EIF2B3: variants seen among roughly 807,000 people sequenced by gnomAD.
EIF2B3 encodes the protein eukaryotic translation initiation factor 2B subunit gamma.
In EIF2B3, 20 loss-of-function variants were observed where a neutral mutation model predicts 54.1. The ratio of observed to expected loss-of-function variants is 0.37; its 90% CI spans 0.26 to 0.54. The LOEUF (loss-of-function observed/expected upper bound fraction) is 0.54, where lower values mean the gene tolerates loss of function less well. Ranked by LOEUF, EIF2B3 falls within the 20% of genes least tolerant of loss-of-function variation. The pLI is 0.86. For missense variants in EIF2B3, 448 were observed against 547.8 expected (o/e 0.82, Z 1.82); for synonymous variants, 153 against 188.1 (o/e 0.81, Z 1.52).
chr1:44,912,106 T>C (rs915300263), intron 5 of EIF2B3, among the ~76,000 whole-genome samples: 2 of 151,962 alleles, frequency 1.3e-5, no homozygotes, highest in Non-Finnish European at 2.9e-5. Flanking sequence ...CAGTCTATCA[T>C]TGTTGGACAT....
chr1:44,903,217 G>A (rs1276798478), intron 5 of EIF2B3, among the ~76,000 whole-genome samples: 1 of 152,202 alleles, frequency 6.6e-6, no homozygotes, highest in Non-Finnish European at 1.5e-5. Context: ...AGGCAGCCTT[G>A]AAAGAAGGAA....
intron 1 of EIF2B3, among the ~76,000 whole-genome samples, chr1:44,983,137 C>G (rs1020672559): frequency 1.3e-5 from 2 of 152,158 alleles, no homozygotes; most frequent in Non-Finnish European, 2.9e-5. Context: ...AGGCTGGTCT[C>G]AAACTCCTGG....
At chr1:44,877,807 G>A (rs573141891) in intron 8 of EIF2B3, among the ~76,000 whole-genome samples, 36 of 152,274 alleles carry the variant, frequency 2.4e-4, no homozygotes, top group African/African-American at 7.2e-4. Flanking sequence ...AGCACTGTGC[G>A]TGGCAGCCAC....
In EIF2B3 at chr1:44,866,407, A is replaced by C. The variant is rs1293211285; in HGVS notation, c.1202+8271T>G. ...AATGAGATTCTGTCTCAAAAAAAAA[A>C]AAACAAACAAAACTATATTGAAGGC... On this transcript the variant is annotated intron_variant, in intron 10 of 11. Transcript: ENST00000360403. 5.3e-5 allele frequency among the ~76,000 whole-genome samples: 8 copies of C among 152,032 alleles called. No individual in the cohort carries two copies. The East Asian group carries it at 9.6e-4, about 18-fold the overall frequency.
chr1:44,981,960 A>G lies in EIF2B3; in HGVS notation c.-9-783T>C, dbSNP rs74667049. Among the ~76,000 whole-genome samples the G allele has an allele frequency of 9.5e-3, 1,441 of 151,172 alleles. 60 individuals are homozygous for G. Among genetic ancestry groups the G allele is most frequent in the Admixed American group, 0.079 (1,183 of 14,970 alleles). On this transcript the variant is annotated intron_variant, in intron 1 of 11. Transcript: ENST00000360403. ...CCTGTCTCAAAAAAAAAAAAAAAAA[A>G]AGAGAGAAAAAAGAAAATATTAAAA...
At position 44,881,202 on chromosome 1, in the gene EIF2B3, CCTGTGGTTGGA is replaced by C. The variant is rs1163175066; in HGVS notation, c.784+399_784+409del. Among the ~76,000 whole-genome samples the C allele has an allele frequency of 6.6e-6, 1 of 152,194 alleles. No individual in the cohort carries two copies. Among genetic ancestry groups the C allele is most frequent in the Non-Finnish European group, 1.5e-5 (1 of 68,032 alleles). On this transcript the variant is annotated intron_variant, in intron 7 of 11. Coordinates refer to ENST00000360403, the MANE Select transcript of EIF2B3 (RefSeq NM_020365.5). The surrounding 1 kb of genome is among the most constrained non-coding windows in gnomAD (Gnocchi z 4.0). ...CCTGGCACGGAGACACCTGGGTTGG[CCTGTGGTTGGA>C]CTGCAATTGTACATTCCTTCACTTT...
intron 5 of EIF2B3, among the ~76,000 whole-genome samples, chr1:44,901,627 C>T (rs1004499417): frequency 6.8e-6 from 1 of 146,854 alleles, no homozygotes; most frequent in African/African-American, 2.5e-5. Flanking sequence ...GGCGTGATCA[C>T]AGCTCACTGC....
At chr1:44,905,646 T>C (rs1481149835) in intron 5 of EIF2B3, among the ~76,000 whole-genome samples, 3 of 152,150 alleles carry the variant, frequency 2.0e-5, no homozygotes, top group African/African-American at 7.2e-5. Context: ...TCTGATCTGA[T>C]TAGATTTAAA....
At chr1:44,898,243 C>T (rs1656045154) in intron 5 of EIF2B3, among the ~76,000 whole-genome samples, 1 of 152,154 alleles carries the variant, frequency 6.6e-6, no homozygotes, top group Non-Finnish European at 1.5e-5. Flanking sequence ...CCCCAGGATA[C>T]ACTTCCTCTA....
chr1:44,959,300 C>T, intron 3 of EIF2B3: 2 of 643,748 alleles, frequency 3.1e-6, no homozygotes, highest in South Asian at 1.6e-5. Flanking sequence ...GCACCTGAAA[C>T]CAGCAACAGC....
At chr1:44,974,370 G>A (rs1224528208) in intron 3 of EIF2B3, among the ~76,000 whole-genome samples, 3 of 151,602 alleles carry the variant, frequency 2.0e-5, no homozygotes, top group Non-Finnish European at 2.9e-5. Context: ...CTACTTGGGA[G>A]GCTTAGGTAG....
chr1:44,859,868 T>A (rs777249628), intron 10 of EIF2B3, among the ~76,000 whole-genome samples: 11 of 151,286 alleles, frequency 7.3e-5, no homozygotes, highest in Non-Finnish European at 1.3e-4. Context: ...GCAATTCTCC[T>A]GCCTCAGCCC....
At chr1:44,957,239 C>T (rs1644235101) in intron 3 of EIF2B3, among the ~76,000 whole-genome samples, 1 of 152,206 alleles carries the variant, frequency 6.6e-6, no homozygotes, top group African/African-American at 2.4e-5. Context: ...GCACTCTAGC[C>T]TAGGCGACAG....
intron 4 of EIF2B3, among the ~76,000 whole-genome samples, chr1:44,939,793 T>A (rs1294886718): frequency 6.6e-6 from 1 of 152,000 alleles, no homozygotes; most frequent in Non-Finnish European, 1.5e-5. Flanking sequence ...AAAGTTCTAA[T>A]GACAAGAAGA....
At chr1:44,880,601 C>T (rs536549353) in intron 7 of EIF2B3, among the ~76,000 whole-genome samples, 7 of 152,208 alleles carry the variant, frequency 4.6e-5, no homozygotes, top group South Asian at 2.1e-4. Context: ...GCTCTTACAA[C>T]GATCCTTTGA....
In EIF2B3 at chr1:44,985,397, T is replaced by C. The variant is rs202039906; in HGVS notation, c.-10+1096A>G. Among the ~76,000 whole-genome samples the C allele has an allele frequency of 1.3e-4, 7 of 53,182 alleles. No individual in the cohort carries two copies. The East Asian group carries it at 0.091, about 691-fold the overall frequency. 34.9% of individuals were successfully genotyped at this position (53,182 alleles called of 152,430 possible). On this transcript the variant is annotated intron_variant, in intron 1 of 11. Coordinates refer to ENST00000360403, the MANE Select transcript of EIF2B3 (RefSeq NM_020365.5). ...CCATTCTGCCATGTGCAGATTCTCT[T>C]AGCCTTTACGGGTTTCATTGCACGT... is the stretch of plus-strand genomic sequence containing the variant.
chr1:44,962,159 T>G (rs1644291139), intron 3 of EIF2B3, among the ~76,000 whole-genome samples: 1 of 151,968 alleles, frequency 6.6e-6, no homozygotes, highest in Admixed American at 6.6e-5. Context: ...GCCACTGCAC[T>G]CCAGCCTGGG....
chr1:44,950,169 C>A (rs923335075), intron 3 of EIF2B3, among the ~76,000 whole-genome samples: 4 of 152,120 alleles, frequency 2.6e-5, no homozygotes, highest in Non-Finnish European at 4.4e-5. Flanking sequence ...ATGCCTGTAA[C>A]CCCAGCATTT....
intron 5 of EIF2B3, among the ~76,000 whole-genome samples, chr1:44,899,350 G>A (rs1199683208): frequency 6.6e-6 from 1 of 152,114 alleles, no homozygotes; most frequent in African/African-American, 2.4e-5. Flanking sequence ...TCTGATTAAA[G>A]AGCTTCTGCA....
Sources: allele counts gnomAD v4.1 joint callset (sites outside exome capture counted in the v4.1 genomes callset), GRCh38; gene constraint gnomAD v4.1.1; non-coding constraint Gnocchi (gnomAD v3.1); transcripts MANE v1.5; gene names NCBI Gene and HGNC (gene_info 2026-07-23, HGNC 2026-07-21).